The following NME7 variants were observed in gnomAD, a reference collection of about 807,000 sequenced individuals.
The protein encoded by NME7 is nucleoside diphosphate kinase 7.
A neutral mutation model predicts 49.1 loss-of-function variants in NME7; 41 were observed. That is an observed-to-expected ratio of 0.83 (90% CI 0.65 to 1.08). NME7 has a LOEUF of 1.08. NME7 is among the 50% of genes least tolerant of loss of function. The probability of loss-of-function intolerance (pLI) is 0.00; values close to 1 mark genes in which losing one functional copy is unlikely to be tolerated. For synonymous variants in NME7, 139 were observed against 150.6 expected, an observed-to-expected ratio of 0.92 and a Z score of 0.56; for missense variants, 423 against 463.4, an observed-to-expected ratio of 0.91 and a Z score of 0.80.
intron 3 of NME7, among the ~76,000 whole-genome samples, chr1:169,315,272 TC>T (rs1651572725): frequency 6.8e-6 from 1 of 146,568 alleles, no homozygotes; most frequent in Non-Finnish European, 1.5e-5. Flanking sequence ...TTTTTTTTTT[TC>T]TTTTTTTTTG....
chr1:169,327,415 T>C (rs1229500257), intron 1 of NME7, among the ~76,000 whole-genome samples: 1 of 152,234 alleles, frequency 6.6e-6, no homozygotes, highest in Non-Finnish European at 1.5e-5. Context: ...CCCTCACACA[T>C]AATCACACTT....
chr1:169,206,594 G>C (rs1660680630), intron 10 of NME7, among the ~76,000 whole-genome samples: 1 of 152,054 alleles, frequency 6.6e-6, no homozygotes, highest in African/African-American at 2.4e-5. Context: ...TCTTTTGGCA[G>C]CCTGATGGAG....
At chr1:169,147,387 A>C (rs1658787251) in intron 11 of NME7, among the ~76,000 whole-genome samples, 2 of 152,166 alleles carry the variant, frequency 1.3e-5, no homozygotes, top group Admixed American at 1.3e-4. Context: ...AAAGGCAGTG[A>C]GGTTAGAGAG....
intron 9 of NME7, among the ~76,000 whole-genome samples, chr1:169,231,238 C>T (rs1303761064): frequency 1.3e-5 from 2 of 152,040 alleles, no homozygotes; most frequent in Non-Finnish European, 2.9e-5. Context: ...ATTTATTCTC[C>T]CATATTAAAC....
At chr1:169,258,150 A>C (rs1649030612) in intron 7 of NME7, among the ~76,000 whole-genome samples, 1 of 128,966 alleles carries the variant, frequency 7.8e-6, no homozygotes. Context: ...CCAGCCTGGG[A>C]ACCATAGTGA....
At chr1:169,262,843 T>TC (rs1329581898) in intron 7 of NME7, among the ~76,000 whole-genome samples, 1 of 133,120 alleles carries the variant, frequency 7.5e-6, no homozygotes, top group African/African-American at 2.5e-5. Context: ...AACTCCCATG[T>TC]CCCCCCAGGA....
At chr1:169,350,199 GGAAA>G (rs1653104182) in intron 1 of NME7, among the ~76,000 whole-genome samples, 1 of 134,932 alleles carries the variant, frequency 7.4e-6, no homozygotes, top group South Asian at 2.3e-4. Flanking sequence ...AGGAAAGGAA[GGAAA>G]GAAAGGAAAG....
intron 7 of NME7, among the ~76,000 whole-genome samples, chr1:169,280,356 G>A (rs1043179586): frequency 6.6e-6 from 1 of 151,934 alleles, no homozygotes; most frequent in Non-Finnish European, 1.5e-5. Context: ...CTAGATATTA[G>A]CCCTTTGTCA....
intron 3 of NME7, among the ~76,000 whole-genome samples, chr1:169,320,851 A>G (rs567637846): frequency 6.6e-6 from 1 of 152,328 alleles, no homozygotes; most frequent in East Asian, 1.9e-4. Flanking sequence ...ATCCTGTTTT[A>G]AAATCAGTCC....
At chr1:169,176,360 T>C (rs1247912467) in intron 10 of NME7, among the ~76,000 whole-genome samples, 1 of 152,128 alleles carries the variant, frequency 6.6e-6, no homozygotes, top group Non-Finnish European at 1.5e-5. Flanking sequence ...GTGAGCCACC[T>C]GCAGGTTCAC....
At chr1:169,367,080 G>C (rs1229508128) in intron 1 of NME7, among the ~76,000 whole-genome samples, 1 of 152,004 alleles carries the variant, frequency 6.6e-6, no homozygotes, top group East Asian at 1.9e-4. Flanking sequence ...AGAATTTCCA[G>C]GGGTGAAGCC....
At chr1:169,192,371 A>G (rs3766070) in intron 10 of NME7, among the ~76,000 whole-genome samples, 56,388 of 152,018 alleles carry the variant, frequency 0.37, 11,041 homozygotes, top group East Asian at 0.73. Flanking sequence ...TACAGAACAT[A>G]TACAAACTTT....
At chr1:169,343,513 TAG>T (rs1652852254) in intron 1 of NME7, among the ~76,000 whole-genome samples, 1 of 151,168 alleles carries the variant, frequency 6.6e-6, no homozygotes, top group African/African-American at 2.4e-5. Context: ...TTTTTTGAGA[TAG>T]AGTTTCACTC....
chr1:169,258,600 C>G (rs1377277522), intron 7 of NME7, among the ~76,000 whole-genome samples: 1 of 130,022 alleles, frequency 7.7e-6, no homozygotes, highest in African/African-American at 2.6e-5. Context: ...TTTTAAATGG[C>G]TCTGATTCCC....
At position 169,257,246 on chromosome 1, in the gene NME7, G is replaced by A. The variant is rs1352576541; in HGVS notation, c.755-19559C>T. ...GTGGGCATAGGACCCTCCAAGCCAG[G>A]TGCGGGATATAATCTCGTGGTGCGC... is the stretch of plus-strand genomic sequence containing the variant. On this transcript the variant is annotated intron_variant, in intron 7 of 11. Transcript: ENST00000367811. Among the ~76,000 whole-genome samples the A allele has an allele frequency of 1.5e-5, 2 of 134,650 alleles. 1 individual carries two copies. Among genetic ancestry groups the A allele is most frequent in the Non-Finnish European group, 3.5e-5 (2 of 57,132 alleles). 88.3% of individuals were successfully genotyped at this position (134,650 alleles called of 152,430 possible).
intron 11 of NME7, among the ~76,000 whole-genome samples, chr1:169,145,274 C>T (rs79185723): frequency 1.5e-3 from 222 of 152,210 alleles, no homozygotes; most frequent in African/African-American, 5.1e-3. Flanking sequence ...AAGGTTGGTA[C>T]CAAAGGGGAC....
chr1:169,186,149 T>C (rs945039685), intron 10 of NME7, among the ~76,000 whole-genome samples: 1 of 152,140 alleles, frequency 6.6e-6, no homozygotes. Context: ...ATTGGGGAAT[T>C]GTAATAAAAT....
chr1:169,355,084 A>T (rs1425627549), intron 1 of NME7, among the ~76,000 whole-genome samples: 2 of 61,612 alleles, frequency 3.2e-5, no homozygotes, highest in African/African-American at 6.8e-5. Context: ...TATAATATAT[A>T]ATATACTATA....
chr1:169,355,771 T>C (rs1268658659), intron 1 of NME7, among the ~76,000 whole-genome samples: 1 of 151,954 alleles, frequency 6.6e-6, no homozygotes, highest in East Asian at 1.9e-4. Flanking sequence ...TCTTGTTTGA[T>C]TTTTTTTCCA....
Sources: gnomAD v4.1 joint callset for allele counts (sites outside exome capture counted in the v4.1 genomes callset) on GRCh38, gnomAD v4.1.1 for gene constraint, MANE v1.5 for transcripts, NCBI Gene and HGNC (gene_info 2026-07-23, HGNC 2026-07-21) for gene names.